XYLT1: variants seen among roughly 807,000 people sequenced by gnomAD.
XYLT1 encodes the protein xylosyltransferase 1.
A neutral mutation model predicts 91.3 loss-of-function variants in XYLT1; 36 were observed. The observed-to-expected ratio is 0.39, with a 90% confidence interval of 0.30 to 0.52. The LOEUF is 0.52. Ranked by LOEUF, XYLT1 falls within the 20% of genes least tolerant of loss-of-function variation. The probability of loss-of-function intolerance (pLI) is 0.68; values close to 1 mark genes in which losing one functional copy is unlikely to be tolerated. For synonymous variants in XYLT1, 588 were observed against 532.0 expected (o/e 1.11, Z -1.45); for missense variants, 1,242 against 1,284.5 (o/e 0.97, Z 0.51).
At chr16:17,357,187 A>AAAC (rs1237203103) in intron 2 of XYLT1, among the ~76,000 whole-genome samples, 4 of 148,236 alleles carry the variant, frequency 2.7e-5, no homozygotes, top group South Asian at 2.1e-4. Context: ...AAAAAAAAAA[A>AAAC]AAAAAAAAAA....
At chr16:17,423,668 G>A (rs1427195639) in intron 1 of XYLT1, among the ~76,000 whole-genome samples, 4 of 151,418 alleles carry the variant, frequency 2.6e-5, no homozygotes, top group Non-Finnish European at 5.9e-5. Flanking sequence ...GGAGTGCATT[G>A]GTGCAATCTC....
Position 17,470,851 on chromosome 16 carries a change from C to T in XYLT1, c.-55G>A. 1.2e-6 allele frequency: 1 copy of T among 839,440 alleles called. No individual in the cohort carries two copies. The highest frequency in any genetic ancestry group is 1.3e-6 in the Non-Finnish European group (1 of 764,906). 52.0% of individuals were successfully genotyped at this position (839,440 alleles called of 1,614,324 possible). A position where few individuals can be genotyped will look rare whatever the true frequency, so the allele number is the denominator to read the frequency against. Reference sequence around the variant, plus strand: ...GGGGACCCCGGCACGCTCCGGGCCGCCCCCGCGCTCCCCGCAGCTCCCGCG... The same window carrying T: ...GGGGACCCCGGCACGCTCCGGGCCGTCCCCGCGCTCCCCGCAGCTCCCGCG... On this transcript the variant is annotated 5_prime_UTR_variant, in exon 1 of 12. Coordinates refer to ENST00000261381, the MANE Select transcript of XYLT1 (RefSeq NM_022166.4).
intron 9 of XYLT1, among the ~76,000 whole-genome samples, chr16:17,131,574 G>A (rs2030478427): frequency 6.6e-6 from 1 of 152,094 alleles, no homozygotes; most frequent in Non-Finnish European, 1.5e-5. Flanking sequence ...GGGCATTTGG[G>A]GACCTGCAAT....
At chr16:17,296,948 G>A (rs1225587113) in intron 2 of XYLT1, among the ~76,000 whole-genome samples, 1 of 152,134 alleles carries the variant, frequency 6.6e-6, no homozygotes, top group Admixed American at 6.5e-5. Flanking sequence ...CAAATAATCA[G>A]GAATGACTTT....
chr16:17,316,963 C>T (rs1246542007), intron 2 of XYLT1, among the ~76,000 whole-genome samples: 4 of 151,732 alleles, frequency 2.6e-5, no homozygotes, highest in African/African-American at 9.7e-5. Context: ...GCTGGGACTA[C>T]AGGCGCCCGC....
chr16:17,389,010 T>G (rs556145746), intron 1 of XYLT1, among the ~76,000 whole-genome samples: 2 of 152,346 alleles, frequency 1.3e-5, no homozygotes, highest in South Asian at 4.1e-4. Flanking sequence ...GGTCTAGCCC[T>G]GTCCTGGGGA....
chr16:17,113,587 C>G (rs536783346), intron 11 of XYLT1, among the ~76,000 whole-genome samples: 1 of 93,484 alleles, frequency 1.1e-5, no homozygotes, highest in East Asian at 1.3e-3. Flanking sequence ...CTTCTCCTGC[C>G]TAATGCCAGA....
intron 8 of XYLT1, among the ~76,000 whole-genome samples, chr16:17,135,237 G>T (rs550024254): frequency 6.6e-6 from 1 of 152,220 alleles, no homozygotes; most frequent in African/African-American, 2.4e-5. Context: ...TAAAGCTGAA[G>T]GGTGGTGGCT....
chr16:17,323,877 C>T (rs192487760), intron 2 of XYLT1, among the ~76,000 whole-genome samples: 98 of 152,280 alleles, frequency 6.4e-4, no homozygotes, highest in African/African-American at 2.1e-3. Flanking sequence ...AGTTCCGAAG[C>T]GCAGATAATA....
chr16:17,336,133 G>T (rs527433218), intron 2 of XYLT1, among the ~76,000 whole-genome samples: 1 of 152,328 alleles, frequency 6.6e-6, no homozygotes, highest in Non-Finnish European at 1.5e-5. Flanking sequence ...GCAGAGCGTG[G>T]AAGGCAGAGA....
chr16:17,381,960 T>C (rs1485605043), intron 1 of XYLT1, among the ~76,000 whole-genome samples: 1 of 151,792 alleles, frequency 6.6e-6, no homozygotes, highest in East Asian at 2.0e-4. Flanking sequence ...GAAGCATCTG[T>C]TGGTATTTTC....
chr16:17,318,196 T>C (rs906776832), intron 2 of XYLT1, among the ~76,000 whole-genome samples: 6 of 152,180 alleles, frequency 3.9e-5, no homozygotes, highest in African/African-American at 1.4e-4. Context: ...GCTGAATAAA[T>C]ACTCAAGGAA....
chr16:17,249,259 C>T (rs983331892), intron 3 of XYLT1, among the ~76,000 whole-genome samples: 2 of 152,156 alleles, frequency 1.3e-5, no homozygotes, highest in African/African-American at 4.8e-5. Context: ...AGAATACCAC[C>T]TCCACAGAGA....
At chr16:17,109,401 A>T (rs1032424215) in intron 11 of XYLT1, among the ~76,000 whole-genome samples, 5 of 152,190 alleles carry the variant, frequency 3.3e-5, no homozygotes, top group African/African-American at 1.2e-4. Context: ...AAGACATATT[A>T]AGTACCTATT....
chr16:17,227,912 C>G (rs750869777), intron 3 of XYLT1: 2 of 152,132 alleles, frequency 1.3e-5, no homozygotes, highest in African/African-American at 2.4e-5. Context: ...AACAGAGACT[C>G]TTGGATTTTT....
intron 5 of XYLT1, among the ~76,000 whole-genome samples, chr16:17,173,004 C>A (rs760699992): frequency 6.6e-6 from 1 of 151,978 alleles, no homozygotes; most frequent in Non-Finnish European, 1.5e-5. Flanking sequence ...GCTCCTTCTG[C>A]GCTCCTATGG....
At chr16:17,219,108 C>T (rs370094568) in intron 3 of XYLT1, among the ~76,000 whole-genome samples, 3 of 151,852 alleles carry the variant, frequency 2.0e-5, no homozygotes, top group African/African-American at 7.2e-5. Flanking sequence ...ATGGTAAAAC[C>T]CTGTATCTAC....
intron 1 of XYLT1, among the ~76,000 whole-genome samples, chr16:17,403,276 G>C (rs138419379): frequency 6.6e-6 from 1 of 152,154 alleles, no homozygotes; most frequent in African/African-American, 2.4e-5. Flanking sequence ...AAGGGCAGGC[G>C]TCTTGCCCAA....
At position 17,198,325 on chromosome 16, in the gene XYLT1, C is replaced by A; in HGVS notation, c.1176G>T (p.Trp392Cys). 1.2e-6 allele frequency: 2 copies of A among 1,614,194 alleles called. No individual in the cohort carries two copies. Among genetic ancestry groups the A allele is most frequent in the Non-Finnish European group, 1.7e-6 (2 of 1,180,024 alleles). Residue 392 changes from tryptophan (W) to cysteine (C), a missense_variant, in exon 5 of 12, where the codon TGG becomes TGT. By Grantham distance (215) the Trp-to-Cys change is radical. Around this residue, in one of 3 missense-constraint regions of XYLT1, gnomAD observed 294 missense variants for 376.0 expected, o/e 0.78. Transcript: ENST00000261381. ...AGGTGGACAGGAGGCTGGCTCCTCC[C>A]CAGATGGTGGCCATTCTCCAGGGGG... ...RVTPWRMATI[W>C]GGASLLSTYL...
Sources: gnomAD v4.1 joint callset for allele counts (sites outside exome capture counted in the v4.1 genomes callset) on GRCh38, gnomAD v4.1.1 for gene constraint, gnomAD v4.1.1 regional missense constraint, MANE v1.5 for transcripts, NCBI Gene and HGNC (gene_info 2026-07-23, HGNC 2026-07-21) for gene names.